The following TTC27 variants were observed in gnomAD, a reference collection of about 807,000 sequenced individuals.
TTC27 encodes tetratricopeptide repeat protein 27.
Under a neutral mutation model 115.9 loss-of-function variants are expected in TTC27, and 79 were observed. That is an observed-to-expected ratio of 0.68 (90% CI 0.57 to 0.82). The LOEUF (loss-of-function observed/expected upper bound fraction) is 0.82, where lower values mean the gene tolerates loss of function less well. Ranked by LOEUF, TTC27 falls within the 40% of genes least tolerant of loss-of-function variation. The probability of loss-of-function intolerance (pLI) is 0.00; values close to 1 mark genes in which losing one functional copy is unlikely to be tolerated. For synonymous variants in TTC27, 401 were observed against 356.0 expected, an observed-to-expected ratio of 1.13 and a Z score of -1.42; for missense variants, 1,054 against 993.1, an observed-to-expected ratio of 1.06 and a Z score of -0.82.
intron 10 of TTC27, among the ~76,000 whole-genome samples, chr2:32,732,701 A>T (rs1348161217): frequency 6.6e-6 from 1 of 152,188 alleles, no homozygotes; most frequent in Non-Finnish European, 1.5e-5. Flanking sequence ...TGCATCCCGA[A>T]GTTTTGGAGA....
intron 10 of TTC27, among the ~76,000 whole-genome samples, chr2:32,709,884 A>G (rs1471067692): frequency 6.6e-6 from 1 of 152,250 alleles, no homozygotes; most frequent in Admixed American, 6.5e-5. Context: ...TTAAAAATTC[A>G]GTTTACACTA....
intron 15 of TTC27, among the ~76,000 whole-genome samples, chr2:32,785,953 C>G (rs539266868): frequency 6.6e-6 from 1 of 152,100 alleles, no homozygotes; most frequent in African/African-American, 2.4e-5. Context: ...TTCACATCTC[C>G]TTGTTCTTAT....
chr2:32,758,884 G>A (rs1669337009), intron 13 of TTC27, among the ~76,000 whole-genome samples: 1 of 152,070 alleles, frequency 6.6e-6, no homozygotes, highest in Admixed American at 6.5e-5. Flanking sequence ...AGTATTTGCT[G>A]AAATCAGTAA....
At chr2:32,754,136 C>G (rs1388199587) in intron 12 of TTC27, among the ~76,000 whole-genome samples, 1 of 147,942 alleles carries the variant, frequency 6.8e-6, no homozygotes, top group Non-Finnish European at 1.5e-5. Flanking sequence ...TAAAACAATT[C>G]ATTCTACATT....
At chr2:32,680,440 A>G (rs917857308) in intron 9 of TTC27, among the ~76,000 whole-genome samples, 2 of 152,168 alleles carry the variant, frequency 1.3e-5, no homozygotes, top group Non-Finnish European at 2.9e-5. Flanking sequence ...AGAACCAGCT[A>G]TTTCACAGAA....
chr2:32,805,002 A>G (rs1671080842), intron 16 of TTC27, among the ~76,000 whole-genome samples: 1 of 152,226 alleles, frequency 6.6e-6, no homozygotes, highest in Admixed American at 6.5e-5. Flanking sequence ...TATTTCATAA[A>G]AGAGAAACCT....
intron 3 of TTC27, among the ~76,000 whole-genome samples, chr2:32,636,270 G>A (rs1304825888): frequency 6.6e-6 from 1 of 152,174 alleles, no homozygotes; most frequent in African/African-American, 2.4e-5. Flanking sequence ...CTGGAGTGCA[G>A]TGGTGCGATC....
chr2:32,799,097 TGGA>T (rs955214819), intron 16 of TTC27, among the ~76,000 whole-genome samples: 1 of 152,178 alleles, frequency 6.6e-6, no homozygotes, highest in South Asian at 2.1e-4. Context: ...TGGATGAACC[TGGA>T]GGAGGTTTAT....
At chr2:32,754,349 A>G (rs1669129102) in intron 12 of TTC27, among the ~76,000 whole-genome samples, 1 of 149,262 alleles carries the variant, frequency 6.7e-6, no homozygotes, top group African/African-American at 2.5e-5. Flanking sequence ...GATGACTCTT[A>G]ACGAGCATGC....
intron 5 of TTC27, among the ~76,000 whole-genome samples, chr2:32,660,123 T>C (rs542599847): frequency 5.3e-5 from 8 of 152,260 alleles, no homozygotes; most frequent in African/African-American, 1.7e-4. Context: ...CTAATTTACA[T>C]TCCCACCGAC....
intron 10 of TTC27, among the ~76,000 whole-genome samples, chr2:32,719,005 G>A (rs935449816): frequency 2.0e-5 from 3 of 152,168 alleles, no homozygotes; most frequent in African/African-American, 4.8e-5. Flanking sequence ...CCAAGCCTAG[G>A]GGGCAGAGGA....
chr2:32,760,035 A>G (rs1434296824), intron 13 of TTC27, among the ~76,000 whole-genome samples: 1 of 152,190 alleles, frequency 6.6e-6, no homozygotes, highest in East Asian at 1.9e-4. Flanking sequence ...GACTATTGTG[A>G]GTAGTGCTGC....
At chr2:32,711,116 C>CAAAAAAAAAA (rs34140897) in intron 10 of TTC27, among the ~76,000 whole-genome samples, 3 of 59,938 alleles carry the variant, frequency 5.0e-5, no homozygotes, top group Non-Finnish European at 9.7e-5. Flanking sequence ...GACTCTGTCT[C>CAAAAAAAAAA]AAAAAAAAAA....
intron 5 of TTC27, among the ~76,000 whole-genome samples, chr2:32,652,000 C>T (rs557521252): frequency 6.6e-6 from 1 of 152,226 alleles, no homozygotes; most frequent in South Asian, 2.1e-4. Flanking sequence ...GTAAGTCATC[C>T]CTTGGTATCC....
At chr2:32,659,990 T>C (rs1401590164) in intron 5 of TTC27, among the ~76,000 whole-genome samples, 1 of 152,168 alleles carries the variant, frequency 6.6e-6, no homozygotes, top group Admixed American at 6.5e-5. Context: ...GTGCATGTGT[T>C]TTTATAGCAG....
rs1220378155 is a variant in TTC27, at chr2:32,666,532, A to G, written c.806-103A>G. The G allele has an allele frequency of 3.2e-6, 4 of 1,241,742 alleles. No homozygotes were observed. In the East Asian group the frequency reaches 1.0e-4, roughly 32 times the overall value. 76.9% of individuals were successfully genotyped at this position (1,241,742 alleles called of 1,614,324 possible). A position where few individuals can be genotyped will look rare whatever the true frequency, so the allele number is the denominator to read the frequency against. The stretch of plus-strand genomic sequence containing the variant: ...AGGACTTTCTTATGTGAAATGGAGA[A>G]AATACCTTGTAAACTCTAAAGCACT... On this transcript the variant is annotated intron_variant, in intron 6 of 19. Coordinates refer to ENST00000317907, the MANE Select transcript of TTC27 (RefSeq NM_017735.5).
chr2:32,685,109 C>T (rs1666587006), intron 9 of TTC27, among the ~76,000 whole-genome samples: 1 of 149,478 alleles, frequency 6.7e-6, no homozygotes, highest in Non-Finnish European at 1.5e-5. Flanking sequence ...TGGCTCGCTG[C>T]AACCCCTGCC....
intron 5 of TTC27, among the ~76,000 whole-genome samples, chr2:32,661,040 G>A (rs1183026247): frequency 6.6e-6 from 1 of 152,098 alleles, no homozygotes; most frequent in East Asian, 1.9e-4. Context: ...TTTCCCTGTT[G>A]CTTGTTTTTG....
rs1035111021 is a variant in TTC27, at chr2:32,769,273, C to T, written c.1681-8609C>T. Among the ~76,000 whole-genome samples, 3 of 152,142 alleles carry T rather than the reference C, an allele frequency of 2.0e-5. No individual in the cohort carries two copies. In the East Asian group the frequency reaches 5.8e-4, roughly 29 times the overall value. The stretch of plus-strand genomic sequence containing the variant: ...AGCAAGGGGTTCATGGCACCTAAAA[C>T]AAGAGCAAATGTCAGCGAGTTATGT... On this transcript the variant is annotated intron_variant, in intron 13 of 19. Transcript: ENST00000317907.
Sources: allele counts gnomAD v4.1 joint callset (sites outside exome capture counted in the v4.1 genomes callset), GRCh38; gene constraint gnomAD v4.1.1; transcripts MANE v1.5; gene names NCBI Gene and HGNC (gene_info 2026-07-23, HGNC 2026-07-21).